ITGA9: variants seen among roughly 807,000 people sequenced by gnomAD.
ITGA9 encodes integrin alpha-9.
Under a neutral mutation model 127.8 loss-of-function variants are expected in ITGA9, and 56 were observed. That is an observed-to-expected ratio of 0.44 (90% CI 0.35 to 0.55). The LOEUF (loss-of-function observed/expected upper bound fraction) is 0.55. ITGA9 is among the 20% of genes least tolerant of loss of function. The pLI is 0.00. For missense variants in ITGA9, 1,196 were observed against 1,347.1 expected (o/e 0.89, Z 1.76); for synonymous variants, 508 against 514.5 (o/e 0.99, Z 0.17).
intron 10 of ITGA9, 69 bp downstream of exon 10, chr3:37,517,678 C>G: frequency 1.8e-6 from 2 of 1,134,528 alleles, no homozygotes; most frequent in African/African-American, 1.5e-5. Context: ...AGAGGGGCAG[C>G]CTGCTCGCTG....
intron 15 of ITGA9, among the ~76,000 whole-genome samples, chr3:37,579,816 G>A (rs1699688437): frequency 6.6e-6 from 1 of 152,144 alleles, no homozygotes; most frequent in Non-Finnish European, 1.5e-5. Flanking sequence ...GGGCCCACAT[G>A]TTGGAGTTAT....
At chr3:37,800,189 G>A (rs1697221426) in intron 26 of ITGA9, among the ~76,000 whole-genome samples, 3 of 152,214 alleles carry the variant, frequency 2.0e-5, no homozygotes, top group Admixed American at 6.5e-5. Flanking sequence ...GACCTCCAAC[G>A]TGGCGTTGCT....
intron 18 of ITGA9, among the ~76,000 whole-genome samples, chr3:37,699,969 A>G (rs997888399): frequency 3.9e-5 from 6 of 152,146 alleles, no homozygotes; most frequent in Non-Finnish European, 7.3e-5. Flanking sequence ...ACCTATGACC[A>G]TCTGGCATAC....
At chr3:37,747,072 T>A (rs1696510099) in intron 22 of ITGA9, among the ~76,000 whole-genome samples, 1 of 152,210 alleles carries the variant, frequency 6.6e-6, no homozygotes, top group African/African-American at 2.4e-5. Context: ...CATTTAGTTT[T>A]AAATTGACAA....
At chr3:37,805,592 C>T (rs1267287429) in intron 27 of ITGA9, among the ~76,000 whole-genome samples, 4 of 152,016 alleles carry the variant, frequency 2.6e-5, no homozygotes, top group African/African-American at 7.2e-5. Context: ...TTCATTATGT[C>T]GTTAGGTTGA....
chr3:37,494,750 G>T (rs953755290), intron 5 of ITGA9, among the ~76,000 whole-genome samples, 182 bp downstream of exon 5: 2 of 152,134 alleles, frequency 1.3e-5, no homozygotes, highest in Non-Finnish European at 2.9e-5. Flanking sequence ...GCACCAGCTG[G>T]CCAGAGACCA....
At chr3:37,562,465 C>T (rs1485479162) in intron 15 of ITGA9, among the ~76,000 whole-genome samples, 1 of 152,112 alleles carries the variant, frequency 6.6e-6, no homozygotes, top group Non-Finnish European at 1.5e-5. Context: ...TAACCATGCC[C>T]CCTCCCCGCT....
chr3:37,669,940 TA>T (rs1700621563), intron 17 of ITGA9, among the ~76,000 whole-genome samples: 1 of 152,262 alleles, frequency 6.6e-6, no homozygotes, highest in African/African-American at 2.4e-5. Context: ...CCTTACTGCA[TA>T]AGGGGACAGA....
At chr3:37,508,488 A>G in intron 7 of ITGA9, 71 bp from the exon 8 acceptor site, 1 of 1,275,352 alleles carries the variant, frequency 7.8e-7, no homozygotes, top group East Asian at 2.4e-5. Flanking sequence ...TAGGACTCCC[A>G]GGAGAGTGCT....
chr3:37,553,005 A>T (rs1160609187), intron 15 of ITGA9, among the ~76,000 whole-genome samples: 1 of 127,712 alleles, frequency 7.8e-6, no homozygotes, highest in Admixed American at 8.3e-5. Context: ...ACCGAGCAAG[A>T]CTCCATCTAA....
Position 37,750,523 on chromosome 3 carries a change from G to A in ITGA9, c.2495G>A (p.Arg832Gln), listed in dbSNP as rs765893022. ...GSSVSISFPNRLSSGGAEMFH... is the reference protein window; with the variant it reads ...GSSVSISFPNQLSSGGAEMFH... ...TCTGTCAGCATCTCTTTCCCTAATC[G>A]ACTCTCATCTGGTGGTGCAGAGATG... Residue 832 changes from arginine to glutamine, a missense_variant, in exon 23 of 28, where the codon CGA (arginine) becomes CAA (glutamine). Arg to Gln is a conservative substitution (Grantham distance 43, BLOSUM62 1). Coordinates refer to ENST00000264741, the MANE Select transcript of ITGA9 (RefSeq NM_002207.3). 2.5e-6 allele frequency: 4 copies of A among 1,613,868 alleles called. No individual in the cohort carries two copies. The highest frequency in any genetic ancestry group is 2.2e-5 in the South Asian group (2 of 91,058).
At chr3:37,786,408 C>T (rs1697041193) in intron 26 of ITGA9, among the ~76,000 whole-genome samples, 1 of 152,080 alleles carries the variant, frequency 6.6e-6, no homozygotes, top group Non-Finnish European at 1.5e-5. Flanking sequence ...TCAAGACCAA[C>T]ATGGCGAAAC....
chr3:37,714,042 G>A (rs1379467335), intron 18 of ITGA9, among the ~76,000 whole-genome samples: 1 of 152,224 alleles, frequency 6.6e-6, no homozygotes, highest in East Asian at 1.9e-4. Flanking sequence ...GCCTAGCAGG[G>A]TGTCCCCCAT....
intron 13 of ITGA9, 100 bp downstream of exon 13, chr3:37,526,171 G>A: frequency 1.0e-6 from 1 of 1,004,740 alleles, no homozygotes; most frequent in Non-Finnish European, 1.6e-6. Context: ...GTTCCTTGTA[G>A]GCTGGAGGTG....
intron 15 of ITGA9, among the ~76,000 whole-genome samples, chr3:37,625,337 C>T (rs1156642304): frequency 6.6e-6 from 1 of 152,180 alleles, no homozygotes; most frequent in African/African-American, 2.4e-5. Flanking sequence ...TCCCTGTGGC[C>T]CAGCACATTG....
At chr3:37,543,127 C>T (rs548607730) in intron 15 of ITGA9, among the ~76,000 whole-genome samples, 2 of 152,310 alleles carry the variant, frequency 1.3e-5, no homozygotes, top group East Asian at 3.9e-4. Context: ...ATGTTTTTCT[C>T]CTCTTGAAAT....
intron 22 of ITGA9, 77 bp from the exon 23 acceptor site, chr3:37,750,385 G>C (rs1456280701): frequency 1.1e-6 from 1 of 897,492 alleles, no homozygotes; most frequent in African/African-American, 1.6e-5. Context: ...AAGAATCTTA[G>C]AATATATATT....
intron 1 of ITGA9, among the ~76,000 whole-genome samples, chr3:37,454,139 A>G (rs1048123086): frequency 6.6e-6 from 1 of 152,204 alleles, no homozygotes; most frequent in African/African-American, 2.4e-5. Context: ...AAGGGCGGGC[A>G]GCTGAGCAGG....
At chr3:37,701,804 CT>C (rs1467895555) in intron 18 of ITGA9, among the ~76,000 whole-genome samples, 2 of 152,172 alleles carry the variant, frequency 1.3e-5, no homozygotes, top group African/African-American at 4.8e-5. Context: ...CTCTTTTTCA[CT>C]CACTCTTCTT....
Sources: allele counts gnomAD v4.1 joint callset (sites outside exome capture counted in the v4.1 genomes callset), GRCh38; gene constraint gnomAD v4.1.1; transcripts MANE v1.5; gene names NCBI Gene and HGNC (gene_info 2026-07-23, HGNC 2026-07-21).